PRKD1: variants seen among roughly 807,000 people sequenced by gnomAD.
The protein encoded by PRKD1 is protein kinase D1, also known as serine/threonine-protein kinase D1.
A neutral mutation model predicts 95.9 loss-of-function variants in PRKD1; 63 were observed. The ratio of observed to expected loss-of-function variants is 0.66; its 90% CI spans 0.54 to 0.81. PRKD1 has a LOEUF of 0.81. PRKD1 is among the 30% of genes least tolerant of loss of function. PRKD1 has a pLI of 0.00. For missense variants in PRKD1, 1,048 were observed against 1,165.3 expected, an observed-to-expected ratio of 0.90 and a Z score of 1.47; for synonymous variants, 425 against 423.1, an observed-to-expected ratio of 1.00 and a Z score of -0.05.
chr14:29,664,642 T>C (rs960266496), intron 3 of PRKD1, among the ~76,000 whole-genome samples: 11 of 152,184 alleles, frequency 7.2e-5, no homozygotes, highest in Admixed American at 7.2e-4. Context: ...GATAGTTTAT[T>C]TGTAGGTTGC....
chr14:29,658,603 A>G (rs1241843251), intron 4 of PRKD1, among the ~76,000 whole-genome samples: 1 of 152,184 alleles, frequency 6.6e-6, no homozygotes, highest in Admixed American at 6.5e-5. Flanking sequence ...AATGTCTATA[A>G]ATCACCAAGG....
intron 3 of PRKD1, among the ~76,000 whole-genome samples, chr14:29,665,463 T>C (rs1238983284): frequency 6.6e-6 from 1 of 152,050 alleles, no homozygotes; most frequent in Non-Finnish European, 1.5e-5. Context: ...CTTCCACTTA[T>C]AAATGAGAAC....
At chr14:29,585,753 C>G (rs145940316) in intron 16 of PRKD1, among the ~76,000 whole-genome samples, 38 of 152,206 alleles carry the variant, frequency 2.5e-4, no homozygotes, top group African/African-American at 8.7e-4. Context: ...GAGTAACTGC[C>G]ATGCAGATTA....
chr14:29,618,615 A>G (rs1879032360), intron 13 of PRKD1, among the ~76,000 whole-genome samples: 1 of 152,196 alleles, frequency 6.6e-6, no homozygotes, highest in Admixed American at 6.5e-5. Context: ...TTTACAGATA[A>G]TGAAAATAGA....
chr14:29,652,412 TG>T (rs1393288973), intron 4 of PRKD1, among the ~76,000 whole-genome samples: 1 of 152,224 alleles, frequency 6.6e-6, no homozygotes, highest in Non-Finnish European at 1.5e-5. Context: ...TGCAAGGTTT[TG>T]TTCAGAGCAT....
intron 1 of PRKD1, among the ~76,000 whole-genome samples, chr14:29,778,639 A>T (rs1888888303): frequency 6.6e-6 from 1 of 152,222 alleles, no homozygotes; most frequent in African/African-American, 2.4e-5. Context: ...AATTGAGGCA[A>T]TAATTAATAG....
chr14:29,806,395 A>C (rs1890235129), intron 1 of PRKD1, among the ~76,000 whole-genome samples: 1 of 152,180 alleles, frequency 6.6e-6, no homozygotes, highest in Non-Finnish European at 1.5e-5. Context: ...ATTAAAATAC[A>C]ATCTAACAAA....
chr14:29,822,226 A>G (rs919175669), intron 1 of PRKD1, among the ~76,000 whole-genome samples: 3 of 152,192 alleles, frequency 2.0e-5, no homozygotes, highest in Admixed American at 1.3e-4. Flanking sequence ...ATTACACATG[A>G]GCTATAGAAA....
At chr14:29,725,749 C>A in intron 1 of PRKD1, 75 bp from the exon 2 acceptor site, 2 of 1,470,840 alleles carry the variant, frequency 1.4e-6, no homozygotes, top group Admixed American at 2.0e-5. Context: ...TTTCAGGGCA[C>A]AAATACAAGC....
chr14:29,824,036 C>T lies in PRKD1; in HGVS notation c.265-98362G>A, dbSNP rs1402635500. Among the ~76,000 whole-genome samples the T allele has an allele frequency of 5.3e-5, 8 of 152,110 alleles. No individual in the cohort carries two copies. The East Asian group carries it at 1.2e-3, about 22-fold the overall frequency. On this transcript the variant is annotated intron_variant, in intron 1 of 17. Transcript: ENST00000331968. ...GCATGCATTCAGTATAATTAGAATA[C>T]GCACAGTTGGAATGCAGTGCTTGAG...
intron 1 of PRKD1, among the ~76,000 whole-genome samples, chr14:29,852,354 GAGAAATTAGA>G (rs898230556): frequency 2.3e-4 from 35 of 152,014 alleles, no homozygotes; most frequent in African/African-American, 8.5e-4. Flanking sequence ...AAACACACTA[GAGAAATTAGA>G]AGGTAAACTT....
chr14:29,689,851 C>A (rs1485370158), intron 2 of PRKD1, among the ~76,000 whole-genome samples: 1 of 152,090 alleles, frequency 6.6e-6, no homozygotes, highest in East Asian at 1.9e-4. Context: ...AAGCCATTAT[C>A]CTCAGCAAAT....
At chr14:29,693,195 ACT>A (rs1383373042) in intron 2 of PRKD1, among the ~76,000 whole-genome samples, 1 of 152,104 alleles carries the variant, frequency 6.6e-6, no homozygotes, top group African/African-American at 2.4e-5. Context: ...AAATGTTGAA[ACT>A]CATGTTGTCA....
chr14:29,840,745 T>C (rs1181699738), intron 1 of PRKD1, among the ~76,000 whole-genome samples: 1 of 152,164 alleles, frequency 6.6e-6, no homozygotes, highest in East Asian at 1.9e-4. Flanking sequence ...AAAGAGAGCT[T>C]GTGCAGAGAA....
At chr14:29,906,959 T>G (rs1482169347) in intron 1 of PRKD1, among the ~76,000 whole-genome samples, 2 of 152,250 alleles carry the variant, frequency 1.3e-5, no homozygotes, top group Non-Finnish European at 2.9e-5. Context: ...TCGCATAATT[T>G]TGTTCTTAAA....
intron 4 of PRKD1, chr14:29,656,355 A>G (rs1295833738): frequency 9.0e-7 from 1 of 1,108,936 alleles, no homozygotes; most frequent in East Asian, 2.6e-5. Flanking sequence ...ATTTTGAGCT[A>G]AACTCTGACC....
At position 29,638,874 on chromosome 14, in the gene PRKD1, G is replaced by T; in HGVS notation, c.727C>A (p.Arg243=). The change falls in exon 5 of 18, where the codon CGA becomes AGA. Residue 243 remains arginine (R), a synonymous_variant. Transcript: ENST00000331968. ...QKSPSESFIG[R]EKRSNSQSYI... ...GATTGAGAATTTGACCTCTTCTCTC[G>T]ACCAATAAACGACTCTGATGGTGAT... is the stretch of plus-strand genomic sequence containing the variant. 2 of 1,354,076 alleles carry T rather than the reference G, an allele frequency of 1.5e-6. No homozygotes were observed. The highest frequency in any genetic ancestry group is 2.9e-5 in the East Asian group (1 of 34,312). 83.9% of individuals were successfully genotyped at this position (1,354,076 alleles called of 1,614,324 possible).
intron 13 of PRKD1, among the ~76,000 whole-genome samples, chr14:29,623,458 T>G (rs1037244540): frequency 6.6e-6 from 1 of 152,128 alleles, no homozygotes; most frequent in African/African-American, 2.4e-5. Flanking sequence ...AAGTAAAAAA[T>G]TATGGCAGGT....
chr14:29,700,883 G>A (rs775884787), intron 2 of PRKD1, among the ~76,000 whole-genome samples: 3 of 152,000 alleles, frequency 2.0e-5, no homozygotes, highest in Non-Finnish European at 2.9e-5. Flanking sequence ...TTTTGGACTT[G>A]TCAGCCTCCA....
Sources: allele counts gnomAD v4.1 joint callset (sites outside exome capture counted in the v4.1 genomes callset), GRCh38; gene constraint gnomAD v4.1.1; transcripts MANE v1.5; gene names NCBI Gene and HGNC (gene_info 2026-07-23, HGNC 2026-07-21).